Variants in GNAQ observed in about 807,000 individuals in gnomAD.
GNAQ encodes the protein guanine nucleotide-binding protein G(q) subunit alpha.
GNAQ carries 8 observed loss-of-function variants against 43.9 expected under a neutral mutation model. The observed-to-expected ratio is 0.18, with a 90% confidence interval of 0.11 to 0.33. GNAQ has a LOEUF of 0.33. Ranked by LOEUF, GNAQ falls within the 10% of genes least tolerant of loss-of-function variation. The probability of loss-of-function intolerance (pLI) is 1.00; values close to 1 mark genes in which losing one functional copy is unlikely to be tolerated. For synonymous variants in GNAQ, 155 were observed against 170.7 expected (o/e 0.91, Z 0.71); for missense variants, 158 against 450.8 (o/e 0.35, Z 5.88).
At chr9:77,737,221 T>C (rs184932757) in intron 5 of GNAQ, among the ~76,000 whole-genome samples, 1 of 152,346 alleles carries the variant, frequency 6.6e-6, no homozygotes, top group East Asian at 1.9e-4. Flanking sequence ...TCAAGAGAGA[T>C]CACCTTCTCG....
intron 1 of GNAQ, among the ~76,000 whole-genome samples, chr9:77,975,842 T>C (rs1469790619): frequency 6.6e-6 from 1 of 152,138 alleles, no homozygotes; most frequent in Admixed American, 6.5e-5. Context: ...AGCCCCGTTA[T>C]CGGCCTTTTA....
At chr9:77,944,624 G>C (rs1006278002) in intron 1 of GNAQ, among the ~76,000 whole-genome samples, 4 of 152,156 alleles carry the variant, frequency 2.6e-5, no homozygotes, top group Non-Finnish European at 5.9e-5. Context: ...CTTCCACTGA[G>C]GCATTGCTCC....
intron 5 of GNAQ, among the ~76,000 whole-genome samples, chr9:77,773,714 C>T (rs1826263680): frequency 6.6e-6 from 1 of 152,158 alleles, no homozygotes; most frequent in Non-Finnish European, 1.5e-5. Context: ...CAAAAATATG[C>T]TGCTTTTCTT....
chr9:77,761,934 C>G (rs1204870953), intron 5 of GNAQ, among the ~76,000 whole-genome samples: 2 of 132,438 alleles, frequency 1.5e-5, no homozygotes, highest in African/African-American at 5.7e-5. Context: ...GCCGCCCCGT[C>G]CGGGAGGGAG....
At chr9:77,759,754 C>T (rs555209334) in intron 5 of GNAQ, among the ~76,000 whole-genome samples, 2 of 152,244 alleles carry the variant, frequency 1.3e-5, no homozygotes, top group East Asian at 3.9e-4. Context: ...GTGTTCTAGC[C>T]AGTGATGTGA....
At chr9:77,997,693 G>A (rs1262083560) in intron 1 of GNAQ, among the ~76,000 whole-genome samples, 1 of 152,092 alleles carries the variant, frequency 6.6e-6, no homozygotes, top group African/African-American at 2.4e-5. Context: ...GAAGCAGTCT[G>A]CAGCTCAAGG....
chr9:78,026,014 C>T (rs1823975118), intron 1 of GNAQ, among the ~76,000 whole-genome samples: 1 of 152,120 alleles, frequency 6.6e-6, no homozygotes, highest in South Asian at 2.1e-4. Context: ...TTAATAGGCA[C>T]TTCTGAAAAC....
chr9:77,919,521 AAGG>A (rs1314135526), intron 2 of GNAQ, among the ~76,000 whole-genome samples: 1 of 152,166 alleles, frequency 6.6e-6, no homozygotes, highest in Admixed American at 6.5e-5. Flanking sequence ...GCTGAACAGG[AAGG>A]AGTAGACATG....
chr9:77,838,020 G>A (rs182078817), intron 2 of GNAQ, among the ~76,000 whole-genome samples: 1 of 151,716 alleles, frequency 6.6e-6, no homozygotes, highest in Non-Finnish European at 1.5e-5. Context: ...ACCACGCCCA[G>A]CTAATTTTTA....
intron 2 of GNAQ, among the ~76,000 whole-genome samples, chr9:77,902,836 C>T (rs1046185353): frequency 4.6e-5 from 7 of 152,180 alleles, no homozygotes; most frequent in African/African-American, 1.7e-4. Flanking sequence ...GCTTTCTTAA[C>T]CATAAGCTAT....
chr9:77,730,256 T>C (rs1327025762), intron 5 of GNAQ, among the ~76,000 whole-genome samples: 2 of 152,208 alleles, frequency 1.3e-5, no homozygotes, highest in East Asian at 1.9e-4. Flanking sequence ...TCCAAACTTA[T>C]ACAAGGAAGT....
rs140834711 is a variant in GNAQ at position 77,745,390 on chromosome 9, C to T, written c.736-16723G>A. ...AATACTGAGACCTAAGCAAACGCACCGCAGTGAGTAGGGAAGGGGAAGAAG... is the reference window on the plus strand; with the variant it reads ...AATACTGAGACCTAAGCAAACGCACTGCAGTGAGTAGGGAAGGGGAAGAAG... On this transcript the variant is annotated intron_variant, in intron 5 of 6. Transcript: ENST00000286548. Among the ~76,000 whole-genome samples, 10 of 151,806 alleles carry T rather than the reference C, an allele frequency of 6.6e-5. No homozygotes were observed. The South Asian group carries it at 2.1e-3, about 32-fold the overall frequency.
rs2118218609 is a variant in GNAQ at position 77,728,663 on chromosome 9, C to G, written c.740G>C (p.Arg247Pro). Reference protein sequence around the residue: ...QVLVESDNENRMEESKALFRT... With the variant: ...QVLVESDNENPMEESKALFRT... ...AAAGAGAGCCTTGCTTTCCTCCATT[C>G]GGTTCTGGAAAAAAAAAAAAAATCA... Residue 247 changes from arginine (R) to proline (P), a missense_variant, in exon 6 of 7, where the codon CGA becomes CCA. Arg to Pro is a moderately radical substitution (Grantham distance 103). This residue lies in a region of GNAQ where 56 missense variants were observed against 172.2 expected (regional missense o/e 0.33). Transcript: ENST00000286548. 1 of 1,520,726 alleles carries G rather than the reference C, an allele frequency of 6.6e-7. No homozygotes were observed. Among genetic ancestry groups the G allele is most frequent in the South Asian group, 1.2e-5 (1 of 83,542 alleles). The allele number at this position is 1,520,726 out of a possible 1,614,324, so 94.2% of individuals were successfully genotyped here.
intron 5 of GNAQ, among the ~76,000 whole-genome samples, chr9:77,769,086 T>G (rs968720880): frequency 6.6e-6 from 1 of 152,196 alleles, no homozygotes; most frequent in African/African-American, 2.4e-5. Flanking sequence ...CACCTCATGT[T>G]AGACAGCTAA....
At chr9:77,816,376 T>C (rs1587929724) in intron 2 of GNAQ, among the ~76,000 whole-genome samples, 1 of 152,338 alleles carries the variant, frequency 6.6e-6, no homozygotes, top group East Asian at 1.9e-4. Flanking sequence ...ATTTGTTTTG[T>C]ATCTGCCTTA....
chr9:77,900,703 G>GT (rs1207477413), intron 2 of GNAQ, among the ~76,000 whole-genome samples: 1 of 151,986 alleles, frequency 6.6e-6, no homozygotes, highest in African/African-American at 2.4e-5. Flanking sequence ...TCTCCATGCA[G>GT]TTTTTTTCCT....
intron 5 of GNAQ, among the ~76,000 whole-genome samples, chr9:77,762,161 G>C (rs1385523502): frequency 2.2e-5 from 3 of 133,690 alleles, no homozygotes; most frequent in African/African-American, 2.8e-5. Flanking sequence ...GCCCCGTCCG[G>C]GAGGTGAGGG....
chr9:77,760,736 G>A (rs1240807803), intron 5 of GNAQ, among the ~76,000 whole-genome samples: 5 of 151,338 alleles, frequency 3.3e-5, no homozygotes, highest in Admixed American at 6.6e-5. Context: ...GTCTCTGCCC[G>A]GCCGCCATCC....
chr9:77,948,075 T>C (rs778890313), intron 1 of GNAQ, among the ~76,000 whole-genome samples: 3 of 152,240 alleles, frequency 2.0e-5, no homozygotes, highest in Non-Finnish European at 2.9e-5. Context: ...GTGTTAACTA[T>C]TGTTATTAAT....
Sources: gnomAD v4.1 joint callset for allele counts (sites outside exome capture counted in the v4.1 genomes callset) on GRCh38, gnomAD v4.1.1 for gene constraint, gnomAD v4.1.1 regional missense constraint, MANE v1.5 for transcripts, NCBI Gene and HGNC (gene_info 2026-07-23, HGNC 2026-07-21) for gene names.